Variants in HDAC9 observed in about 807,000 individuals in gnomAD.
HDAC9 encodes the protein histone deacetylase 9.
Under a neutral mutation model 139.4 loss-of-function variants are expected in HDAC9, and 41 were observed. The observed-to-expected ratio is 0.29, with a 90% CI of 0.23 to 0.38. The LOEUF (loss-of-function observed/expected upper bound fraction) is 0.38. Ranked by LOEUF, HDAC9 falls within the 10% of genes least tolerant of loss-of-function variation. The pLI is 1.00. For synonymous variants in HDAC9, 517 were observed against 476.2 expected (o/e 1.09, Z -1.12); for missense variants, 1,147 against 1,297.0 (o/e 0.88, Z 1.78).
chr7:18,415,859 CT>C (rs1167875535), intron 1 of HDAC9, among the ~76,000 whole-genome samples: 2 of 151,806 alleles, frequency 1.3e-5, no homozygotes, highest in African/African-American at 2.4e-5. Flanking sequence ...TATTCTTGCT[CT>C]TTTTTTTAGT....
At chr7:18,696,650 A>G (rs1783073343) in intron 12 of HDAC9, among the ~76,000 whole-genome samples, 1 of 151,952 alleles carries the variant, frequency 6.6e-6, no homozygotes, top group Non-Finnish European at 1.5e-5. Flanking sequence ...TTGTGTTTTT[A>G]GTAGAGACAG....
At chr7:18,705,746 G>C (rs1439001769) in intron 12 of HDAC9, among the ~76,000 whole-genome samples, 1 of 151,448 alleles carries the variant, frequency 6.6e-6, no homozygotes, top group Non-Finnish European at 1.5e-5. Context: ...CCAGCTGCTT[G>C]GGAGGATGAG....
chr7:18,679,045 G>C (rs1781711152), intron 12 of HDAC9, among the ~76,000 whole-genome samples: 1 of 151,888 alleles, frequency 6.6e-6, no homozygotes, highest in Non-Finnish European at 1.5e-5. Flanking sequence ...AATGAAGATG[G>C]AGAGAAAGGA....
chr7:18,547,559 G>C (rs1815393303), intron 2 of HDAC9, among the ~76,000 whole-genome samples: 1 of 152,090 alleles, frequency 6.6e-6, no homozygotes, highest in African/African-American at 2.4e-5. Context: ...CTTAAAATAA[G>C]ACAACAATGA....
intron 2 of HDAC9, among the ~76,000 whole-genome samples, chr7:18,233,633 A>C (rs1793620959): frequency 6.6e-6 from 1 of 152,178 alleles, no homozygotes; most frequent in Admixed American, 6.5e-5. Context: ...TTGTGACTAA[A>C]GTAAAATTGC....
chr7:18,558,931 C>T (rs1193628861), intron 2 of HDAC9, among the ~76,000 whole-genome samples: 2 of 152,126 alleles, frequency 1.3e-5, no homozygotes, highest in East Asian at 3.9e-4. Context: ...AGCTGCTTTG[C>T]CAGCTTGTTA....
At chr7:18,601,358 G>A (rs1371355154) in intron 6 of HDAC9, among the ~76,000 whole-genome samples, 2 of 152,148 alleles carry the variant, frequency 1.3e-5, no homozygotes, top group Non-Finnish European at 2.9e-5. Flanking sequence ...CATTGCCAGA[G>A]TTGTTTGTTG....
At chr7:18,114,402 G>T (rs1020093124) in intron 1 of HDAC9, among the ~76,000 whole-genome samples, 4 of 152,190 alleles carry the variant, frequency 2.6e-5, no homozygotes, top group South Asian at 4.1e-4. Context: ...AATGACTGTT[G>T]TTAGCCAATT....
At chr7:18,677,090 A>T (rs1352160100) in intron 12 of HDAC9, among the ~76,000 whole-genome samples, 1 of 151,908 alleles carries the variant, frequency 6.6e-6, no homozygotes, top group Non-Finnish European at 1.5e-5. Context: ...TATTTATGTC[A>T]TTCCAGAGAA....
At chr7:18,991,229 G>A (rs1362044747) in intron 25 of HDAC9, among the ~76,000 whole-genome samples, 1 of 151,978 alleles carries the variant, frequency 6.6e-6, no homozygotes, top group African/African-American at 2.4e-5. Flanking sequence ...ATTGGAGGGG[G>A]GAGATGAAAA....
At chr7:18,777,861 G>A (rs530913603) in intron 16 of HDAC9, among the ~76,000 whole-genome samples, 2 of 152,050 alleles carry the variant, frequency 1.3e-5, no homozygotes, top group East Asian at 2.0e-4. Context: ...AGAACCAAGA[G>A]GGCTGATTCA....
intron 24 of HDAC9, among the ~76,000 whole-genome samples, chr7:18,975,121 C>G (rs1784471875): frequency 6.6e-6 from 1 of 152,162 alleles, no homozygotes. Flanking sequence ...TTGGCATGTT[C>G]TCATGAAATG....
chr7:18,761,136 G>A (rs1365460671), intron 14 of HDAC9, among the ~76,000 whole-genome samples: 2 of 152,206 alleles, frequency 1.3e-5, no homozygotes, highest in African/African-American at 2.4e-5. Flanking sequence ...ATACTAGAAA[G>A]CACAGCCATT....
chr7:18,862,657 T>C (rs779616995), intron 21 of HDAC9, among the ~76,000 whole-genome samples: 3 of 152,102 alleles, frequency 2.0e-5, no homozygotes, highest in Non-Finnish European at 4.4e-5. Context: ...CAGAGGAAGA[T>C]GGTTAGAGAA....
chr7:18,986,383 A>G (rs1785352678), intron 25 of HDAC9, among the ~76,000 whole-genome samples: 1 of 48,848 alleles, frequency 2.0e-5, no homozygotes, highest in African/African-American at 8.4e-5. Flanking sequence ...ATAGTTGTAG[A>G]TATGTGGCAT....
intron 22 of HDAC9, among the ~76,000 whole-genome samples, chr7:18,927,379 G>A (rs1339949161): frequency 6.6e-6 from 1 of 152,120 alleles, no homozygotes; most frequent in African/African-American, 2.4e-5. Flanking sequence ...CACAATACAT[G>A]AGACTGCCAC....
chr7:18,846,999 C>T (rs1796953711), intron 21 of HDAC9, among the ~76,000 whole-genome samples: 1 of 152,186 alleles, frequency 6.6e-6, no homozygotes, highest in African/African-American at 2.4e-5. Context: ...AGGCCCGTTT[C>T]TCAGTGACTT....
chr7:18,822,791 G>T (rs1053351262), intron 17 of HDAC9, among the ~76,000 whole-genome samples: 1 of 152,166 alleles, frequency 6.6e-6, no homozygotes, highest in Non-Finnish European at 1.5e-5. Flanking sequence ...CTTTAGGCAA[G>T]TTCTTTCATC....
At chr7:18,732,546 A>AT (rs1419716259) in intron 13 of HDAC9, among the ~76,000 whole-genome samples, 7 of 16,578 alleles carry the variant, frequency 4.2e-4, no homozygotes, top group African/African-American at 1.8e-3. Context: ...ATGTGTATAT[A>AT]ATGTATATAC....
Sources: allele counts gnomAD v4.1 joint callset (sites outside exome capture counted in the v4.1 genomes callset), GRCh38; gene constraint gnomAD v4.1.1; transcripts MANE v1.5; gene names NCBI Gene and HGNC (gene_info 2026-07-23, HGNC 2026-07-21).